MYOZ2: variants seen among roughly 807,000 people sequenced by gnomAD.
The protein encoded by MYOZ2 is myozenin-2.
A neutral mutation model predicts 25.4 loss-of-function variants in MYOZ2; 19 were observed. The observed-to-expected ratio is 0.75, with a 90% CI of 0.52 to 1.10. The LOEUF (loss-of-function observed/expected upper bound fraction) is 1.10. Ranked by LOEUF, MYOZ2 falls within the 50% of genes least tolerant of loss-of-function variation. MYOZ2 has a pLI of 0.00. For synonymous variants in MYOZ2, 92 were observed against 106.9 expected, an observed-to-expected ratio of 0.86 and a Z score of 0.86; for missense variants, 270 against 317.9, an observed-to-expected ratio of 0.85 and a Z score of 1.15.
intron 3 of MYOZ2, among the ~76,000 whole-genome samples, chr4:119,152,146 T>C (rs1741467670): frequency 1.3e-5 from 2 of 152,020 alleles, no homozygotes; most frequent in African/African-American, 4.8e-5. Context: ...TTAAATCTAG[T>C]TTTAATTGTG....
chr4:119,180,808 G>A (rs1003611779), intron 5 of MYOZ2, among the ~76,000 whole-genome samples: 13 of 152,056 alleles, frequency 8.5e-5, no homozygotes, highest in South Asian at 6.2e-4. Context: ...TGCTTGCCTC[G>A]GCCTCCCAAA....
chr4:119,173,478 A>G (rs1008379984), intron 5 of MYOZ2, among the ~76,000 whole-genome samples: 1 of 152,146 alleles, frequency 6.6e-6, no homozygotes, highest in African/African-American at 2.4e-5. Flanking sequence ...CTATTAATGG[A>G]CTCTCTTTTA....
At chr4:119,157,817 ATAGATCT>A (rs1741615392) in intron 3 of MYOZ2, among the ~76,000 whole-genome samples, 198 bp from the exon 4 acceptor site, 2 of 152,236 alleles carry the variant, frequency 1.3e-5, no homozygotes, top group Non-Finnish European at 2.9e-5. Context: ...TCATCATAAA[ATAGATCT>A]TAGACTGATA....
rs369643343 is a variant in MYOZ2, at chr4:119,150,855, T to C, written c.77-17T>C. 1.9e-6 allele frequency: 3 copies of C among 1,611,548 alleles called. No homozygotes were observed. The highest frequency in any genetic ancestry group is 2.7e-5 in the African/African-American group (2 of 74,866). On this transcript the variant is annotated splice_polypyrimidine_tract_variant and intron_variant, in intron 2 of 5. Transcript: ENST00000307128. ...GCTTACCTTGGGATTTTTACTCATA[T>C]GAATATTGTTTTACAGATGTTGATG...
intron 3 of MYOZ2, among the ~76,000 whole-genome samples, chr4:119,157,020 A>T (rs1741590493): frequency 6.6e-6 from 1 of 152,190 alleles, no homozygotes. Context: ...CTATCCTGAA[A>T]TTGCTATAAA....
At chr4:119,147,725 CAG>C (rs1741334631) in intron 2 of MYOZ2, among the ~76,000 whole-genome samples, 2 of 128,948 alleles carry the variant, frequency 1.6e-5, no homozygotes, top group African/African-American at 5.4e-5. Flanking sequence ...GCCTGGGTGA[CAG>C]AGTAAGACTC....
At chr4:119,144,409 T>C (rs890980966) in intron 2 of MYOZ2, among the ~76,000 whole-genome samples, 11 of 152,230 alleles carry the variant, frequency 7.2e-5, no homozygotes, top group African/African-American at 1.4e-4. Context: ...AGAAGGAAGA[T>C]GCTATGAACA....
chr4:119,150,063 T>C (rs1293426756), intron 2 of MYOZ2, among the ~76,000 whole-genome samples: 1 of 152,162 alleles, frequency 6.6e-6, no homozygotes, highest in East Asian at 1.9e-4. Flanking sequence ...ATATTAGTGA[T>C]TAAAGAAGCA....
chr4:119,160,741 CAACT>C (rs905932897), intron 4 of MYOZ2, among the ~76,000 whole-genome samples: 2 of 151,954 alleles, frequency 1.3e-5, no homozygotes, highest in African/African-American at 4.8e-5. Context: ...ACCTCCAACG[CAACT>C]GTTATAGCCC....
chr4:119,162,998 C>G (rs1430943482), intron 4 of MYOZ2, among the ~76,000 whole-genome samples: 1 of 151,866 alleles, frequency 6.6e-6, no homozygotes, highest in Non-Finnish European at 1.5e-5. Flanking sequence ...TTTAAAAAGT[C>G]AGAATTATCA....
intron 5 of MYOZ2, among the ~76,000 whole-genome samples, chr4:119,180,289 CATT>C (rs528448383): frequency 4.6e-5 from 7 of 152,168 alleles, no homozygotes; most frequent in Non-Finnish European, 5.9e-5. Flanking sequence ...TTCTACCCAT[CATT>C]GTTGTTAGAT....
At chr4:119,145,216 G>T (rs1382166142) in intron 2 of MYOZ2, among the ~76,000 whole-genome samples, 1 of 151,924 alleles carries the variant, frequency 6.6e-6, no homozygotes, top group African/African-American at 2.4e-5. Context: ...ACTGGCTCAT[G>T]ATATAAAATT....
intron 2 of MYOZ2, among the ~76,000 whole-genome samples, chr4:119,150,432 G>C (rs1741420544): frequency 6.6e-6 from 1 of 151,612 alleles, no homozygotes; most frequent in Admixed American, 6.6e-5. Flanking sequence ...CCGAGTCTGG[G>C]AAATGGGGTG....
chr4:119,136,445 A>C (rs1172723851), intron 1 of MYOZ2, 67 bp from the exon 2 acceptor site: 2 of 1,341,870 alleles, frequency 1.5e-6, no homozygotes, highest in South Asian at 1.2e-5. Context: ...CTTTCAAAAC[A>C]GTGATTATAA....
chr4:119,165,416 T>TGGGA (rs1741802031), intron 5 of MYOZ2, among the ~76,000 whole-genome samples: 1 of 151,798 alleles, frequency 6.6e-6, no homozygotes, highest in Non-Finnish European at 1.5e-5. Flanking sequence ...CAGGCTGAAG[T>TGGGA]GGGAGGATCA....
At chr4:119,148,553 T>A (rs1413633055) in intron 2 of MYOZ2, among the ~76,000 whole-genome samples, 1 of 152,092 alleles carries the variant, frequency 6.6e-6, no homozygotes, top group Non-Finnish European at 1.5e-5. Context: ...AGTCTATTTT[T>A]CTCTGTGTTG....
intron 3 of MYOZ2, among the ~76,000 whole-genome samples, chr4:119,154,779 TA>T (rs1741532537): frequency 6.6e-6 from 1 of 151,908 alleles, no homozygotes; most frequent in East Asian, 1.9e-4. Flanking sequence ...AGTAAAAACA[TA>T]AAGATACTAA....
intron 4 of MYOZ2, among the ~76,000 whole-genome samples, chr4:119,163,870 A>G (rs565400196): frequency 1.8e-4 from 28 of 152,334 alleles, no homozygotes; most frequent in East Asian, 1.3e-3. Context: ...TAATTGTGGT[A>G]TCTAAAGTCT....
At chr4:119,143,584 CT>C (rs1461360011) in intron 2 of MYOZ2, among the ~76,000 whole-genome samples, 2 of 152,222 alleles carry the variant, frequency 1.3e-5, no homozygotes, top group Non-Finnish European at 2.9e-5. Flanking sequence ...AGGATTCACT[CT>C]TTGTGTTACG....
Sources: gnomAD v4.1 joint callset for allele counts (sites outside exome capture counted in the v4.1 genomes callset) on GRCh38, gnomAD v4.1.1 for gene constraint, MANE v1.5 for transcripts, NCBI Gene and HGNC (gene_info 2026-07-23, HGNC 2026-07-21) for gene names.